Variants in ITIH4 observed in about 807,000 individuals in gnomAD.
ITIH4 encodes inter-alpha-trypsin inhibitor heavy chain 4.
ITIH4 carries 79 observed loss-of-function variants against 111.8 expected under a neutral mutation model. The ratio of observed to expected loss-of-function variants is 0.71; its 90% CI spans 0.59 to 0.85. The LOEUF is 0.85. Among genes scored for constraint, ITIH4 ranks in the 40% least tolerant of loss-of-function variants. The pLI is 0.00. For synonymous variants in ITIH4, 472 were observed against 468.3 expected, an observed-to-expected ratio of 1.01 and a Z score of -0.10; for missense variants, 1,065 against 1,195.8, an observed-to-expected ratio of 0.89 and a Z score of 1.61.
At chr3:52,815,061 A>G (rs1333425233) in intron 21 of ITIH4, among the ~76,000 whole-genome samples, 1 of 152,012 alleles carries the variant, frequency 6.6e-6, no homozygotes, top group Non-Finnish European at 1.5e-5. Context: ...GTCTCCTCAG[A>G]TTTTTAGTTA....
intron 21 of ITIH4, among the ~76,000 whole-genome samples, chr3:52,815,364 C>G (rs938228075): frequency 1.3e-5 from 2 of 151,850 alleles, no homozygotes; most frequent in Admixed American, 1.3e-4. Context: ...CTACCTCAGC[C>G]TCCCGAGTAG....
At chr3:52,817,973 C>A (rs142378847) in intron 20 of ITIH4, 79 bp downstream of exon 20, 4 of 1,104,150 alleles carry the variant, frequency 3.6e-6, no homozygotes, top group African/African-American at 1.5e-5. Context: ...CCAGCCTGCA[C>A]GCGCTGTGTG....
intron 18 of ITIH4, 71 bp from the exon 19 acceptor site, chr3:52,818,354 G>T (rs972733038): frequency 6.4e-7 from 1 of 1,570,414 alleles, no homozygotes; most frequent in African/African-American, 1.3e-5. Flanking sequence ...AGGGAGCAGT[G>T]ACTAGGTGTG....
chr3:52,819,921 C>T lies in ITIH4; in HGVS notation c.1912+19G>A. 1 of 1,612,798 alleles carries T rather than the reference C, an allele frequency of 6.2e-7. No homozygotes were observed. The highest frequency in any genetic ancestry group is 8.5e-7 in the Non-Finnish European group (1 of 1,178,748). On this transcript the variant is annotated intron_variant, in intron 15 of 23. Transcript: ENST00000266041. The stretch of plus-strand genomic sequence containing the variant: ...CCCAATCTGTCAATCTCCCCTCCCC[C>T]CACCTCCTACTTTGTCACCTGGTTT...
At chr3:52,820,938 C>T in intron 12 of ITIH4, 53 bp downstream of exon 12, 1 of 1,595,556 alleles carries the variant, frequency 6.3e-7, no homozygotes, top group Non-Finnish European at 8.5e-7. Flanking sequence ...CTGTACCGTG[C>T]CACCTGTGCC....
chr3:52,819,435 G>C lies in ITIH4; in HGVS notation c.2035C>G (p.Pro679Ala). 6.2e-7 allele frequency: 1 copy of C among 1,614,174 alleles called. No individual in the cohort carries two copies. The highest frequency in any genetic ancestry group is 1.1e-5 in the South Asian group (1 of 91,076). ...AAGGGGTGGTAAGCAGCATGGTCAG[G>C]AACATCAGGAGGTCCTGGGAGTCCA... ...QLGLPGPPDV[P>A]DHAAYHPFRR... The change falls in exon 17 of 24, where the codon CCT (proline) becomes GCT (alanine). Residue 679 changes from proline (P) to alanine (A), a missense_variant. Transcript: ENST00000266041.
At chr3:52,815,623 C>G (rs1210687062) in intron 21 of ITIH4, among the ~76,000 whole-genome samples, 1 of 151,990 alleles carries the variant, frequency 6.6e-6, no homozygotes, top group Non-Finnish European at 1.5e-5. Flanking sequence ...ACTTCTATTT[C>G]ATTTTCTAGG....
Position 52,813,222 on chromosome 3 carries a change from A to T in ITIH4, c.*199T>A, listed in dbSNP as rs1700221399. 3 of 594,920 alleles carry T rather than the reference A, an allele frequency of 5.0e-6. No homozygotes were observed. The highest frequency in any genetic ancestry group is 9.1e-6 in the Non-Finnish European group (3 of 329,516). The allele number at this position is 594,920 out of a possible 1,614,324, so 36.9% of individuals were successfully genotyped here. On this transcript the variant is annotated 3_prime_UTR_variant, in exon 24 of 24. Coordinates refer to ENST00000266041, the MANE Select transcript of ITIH4 (RefSeq NM_002218.5). ...GAAGCTTCTGTGTTCCACGATGCTA[A>T]GGTTCAGGATGCGAGGTTGAGGCCC... is the stretch of plus-strand genomic sequence containing the variant.
rs750541202 is a variant in ITIH4 at position 52,830,621 on chromosome 3, G to A, written c.22C>T (p.Arg8Cys). Residue 8 changes from arginine to cysteine, a missense_variant, in exon 1 of 24, where the codon CGT becomes TGT. Arg to Cys is a radical substitution (Grantham distance 180, BLOSUM62 -3). Transcript: ENST00000266041. ...AGGACGAGAACTTTGCTGCAGGTAC[G>A]GACAGGCCTTGGGGGCTTCATCGTG... The part of the protein sequence containing the change: MKPPRPV[R>C]TCSKVLVLLS... 18 of 1,613,382 alleles carry A rather than the reference G, an allele frequency of 1.1e-5. No homozygotes were observed. The highest frequency in any genetic ancestry group is 2.7e-5 in the African/African-American group (2 of 74,908).
At chr3:52,814,188 C>G (rs945135315) in intron 22 of ITIH4, 21 bp downstream of exon 22, 2 of 1,609,462 alleles carry the variant, frequency 1.2e-6, no homozygotes, top group Non-Finnish European at 1.7e-6. Context: ...AAGGCCTGGG[C>G]CCCGGTAATG....
At chr3:52,821,762 C>T (rs990366649) in intron 11 of ITIH4, among the ~76,000 whole-genome samples, 7 of 152,160 alleles carry the variant, frequency 4.6e-5, no homozygotes, top group Non-Finnish European at 7.3e-5. Context: ...TGACCTAGCT[C>T]GCTGCCTGGG....
Position 52,824,196 on chromosome 3 carries a change from TG to T in ITIH4, c.1164del (p.Thr389LeufsTer18). 1 of 1,613,238 alleles carries T rather than the reference TG, an allele frequency of 6.2e-7. No individual in the cohort carries two copies. The highest frequency in any genetic ancestry group is 8.5e-7 in the Non-Finnish European group (1 of 1,179,972). On this transcript the variant is annotated frameshift_variant, in exon 9 of 24. Transcript: ENST00000266041. LOFTEE classifies it high-confidence loss of function. The surrounding 1 kb of genome is among the most constrained non-coding windows in gnomAD (Gnocchi z 4.3). Reference sequence around the variant, plus strand: ...TCACGGGCAGGGCCCTCACCCACAGTGGGGTCGCCATCGGTGAGCAGGATGA... The same window carrying T: ...TCACGGGCAGGGCCCTCACCCACAGTGGGTCGCCATCGGTGAGCAGGATGA... ...SLIILLTDGDPTVGETNPRSI... is the reference protein window; with the variant it reads ...SLIILLTDGDXTVGETNPRSI...
At chr3:52,815,582 G>T (rs1379785401) in intron 21 of ITIH4, among the ~76,000 whole-genome samples, 2 of 151,796 alleles carry the variant, frequency 1.3e-5, no homozygotes, top group Admixed American at 1.3e-4. Context: ...AAACTATTTG[G>T]ACTTTCTCTC....
Position 52,813,286 on chromosome 3 carries a change from C to A in ITIH4, c.*135G>T. The A allele has an allele frequency of 1.2e-6, 1 of 810,080 alleles. No individual in the cohort carries two copies. Among genetic ancestry groups the A allele is most frequent in the Non-Finnish European group, 2.1e-6 (1 of 478,606 alleles). 50.2% of individuals were successfully genotyped at this position (810,080 alleles called of 1,614,324 possible). On this transcript the variant is annotated 3_prime_UTR_variant, in exon 24 of 24. Coordinates refer to ENST00000266041, the MANE Select transcript of ITIH4 (RefSeq NM_002218.5). ...CATGGAACTGGAGACACCCACTTCCCAGGCTCACACCACCTTTCTTTATTT... is the reference window on the plus strand; with the variant it reads ...CATGGAACTGGAGACACCCACTTCCAAGGCTCACACCACCTTTCTTTATTT...
chr3:52,818,627 C>T, intron 17 of ITIH4, 91 bp from the exon 18 acceptor site: 1 of 1,010,650 alleles, frequency 9.9e-7, no homozygotes, highest in Non-Finnish European at 1.5e-6. Context: ...TCCAGCCCCC[C>T]ATCCTGCCAC....
chr3:52,820,463 G>C, intron 13 of ITIH4, 146 bp from the exon 14 acceptor site: 1 of 1,161,970 alleles, frequency 8.6e-7, no homozygotes. Flanking sequence ...AATTTGGGGA[G>C]ACAGGAGACC....
At chr3:52,829,061 C>A in intron 2 of ITIH4, 58 bp downstream of exon 2, 1 of 1,445,452 alleles carries the variant, frequency 6.9e-7, no homozygotes, top group Non-Finnish European at 9.3e-7. Context: ...TGGCACAGAG[C>A]GATGGAGTCA....
At chr3:52,822,392 A>G (rs1388914453) in intron 11 of ITIH4, 1 of 152,210 alleles carries the variant, frequency 6.6e-6, no homozygotes, top group Non-Finnish European at 1.5e-5. Context: ...CATATTTTTC[A>G]GAATACACAT....
At chr3:52,822,575 G>A (rs1321958708) in intron 11 of ITIH4, among the ~76,000 whole-genome samples, 2 of 152,134 alleles carry the variant, frequency 1.3e-5, no homozygotes, top group Non-Finnish European at 2.9e-5. Context: ...GGGGGCATGC[G>A]ACTTATTCCC....
Sources: allele counts gnomAD v4.1 joint callset (sites outside exome capture counted in the v4.1 genomes callset), GRCh38; gene constraint gnomAD v4.1.1; non-coding constraint Gnocchi (gnomAD v3.1); transcripts MANE v1.5; gene names NCBI Gene and HGNC (gene_info 2026-07-23, HGNC 2026-07-21).